Variants in GRIN2A observed in about 807,000 individuals in gnomAD.
The protein encoded by GRIN2A is glutamate receptor ionotropic, NMDA 2A.
Under a neutral mutation model 113.4 loss-of-function variants are expected in GRIN2A, and 22 were observed. The ratio of observed to expected loss-of-function variants is 0.19; its 90% CI spans 0.14 to 0.28. The LOEUF is 0.28. Among genes scored for constraint, GRIN2A ranks in the 10% least tolerant of loss-of-function variants. The probability of loss-of-function intolerance (pLI) is 1.00; values close to 1 mark genes in which losing one functional copy is unlikely to be tolerated. For missense variants in GRIN2A, 1,502 were observed against 1,887.0 expected (o/e 0.80, Z 3.78); for synonymous variants, 827 against 738.4 (o/e 1.12, Z -1.94).
intron 2 of GRIN2A, among the ~76,000 whole-genome samples, chr16:10,052,954 A>T (rs1232098067): frequency 6.6e-6 from 1 of 151,876 alleles, no homozygotes; most frequent in Non-Finnish European, 1.5e-5. Flanking sequence ...AGGCTGAGGC[A>T]GGAGAATGGC....
At chr16:9,793,518 A>C (rs1208355334) in intron 11 of GRIN2A, among the ~76,000 whole-genome samples, 1 of 152,084 alleles carries the variant, frequency 6.6e-6, no homozygotes, top group Non-Finnish European at 1.5e-5. Context: ...GTTCTCACTC[A>C]AGTGTTACCT....
At chr16:9,907,024 G>A (rs1243763708) in intron 3 of GRIN2A, among the ~76,000 whole-genome samples, 2 of 152,198 alleles carry the variant, frequency 1.3e-5, no homozygotes, top group Non-Finnish European at 1.5e-5. Flanking sequence ...CATTGCTCAG[G>A]CTGGTCATGA....
At chr16:9,807,459 G>T (rs1455845475) in intron 10 of GRIN2A, among the ~76,000 whole-genome samples, 1 of 151,644 alleles carries the variant, frequency 6.6e-6, no homozygotes, top group Non-Finnish European at 1.5e-5. Context: ...GAGAGAGAAA[G>T]AGAAAGAATA....
intron 4 of GRIN2A, among the ~76,000 whole-genome samples, chr16:9,888,158 C>T (rs541883602): frequency 5.3e-5 from 8 of 152,256 alleles, no homozygotes; most frequent in African/African-American, 1.9e-4. Flanking sequence ...TCAGGCTGGT[C>T]TCGAACTCCT....
intron 3 of GRIN2A, among the ~76,000 whole-genome samples, chr16:9,920,026 C>T (rs925319329): frequency 2.6e-5 from 4 of 152,232 alleles, no homozygotes; most frequent in Non-Finnish European, 5.9e-5. Context: ...TTTCTCTTCC[C>T]ATCCCATATC....
intron 2 of GRIN2A, among the ~76,000 whole-genome samples, chr16:9,958,144 T>C (rs1048138545): frequency 6.6e-6 from 1 of 152,216 alleles, no homozygotes; most frequent in African/African-American, 2.4e-5. Flanking sequence ...AACTTCTGCA[T>C]AAGCGACTGT....
chr16:10,070,037 G>T (rs988717679), intron 2 of GRIN2A, among the ~76,000 whole-genome samples: 2 of 152,140 alleles, frequency 1.3e-5, no homozygotes, highest in East Asian at 3.9e-4. Flanking sequence ...CAATGACAAT[G>T]TTCCCCACTC....
intron 7 of GRIN2A, 42 bp from the exon 8 acceptor site, chr16:9,834,272 T>A: frequency 1.9e-6 from 3 of 1,609,778 alleles, no homozygotes; most frequent in Non-Finnish European, 2.6e-6. Context: ...TGGTTAGTTA[T>A]CTCTTCCTCA....
At chr16:9,897,327 T>C (rs1219671252) in intron 3 of GRIN2A, among the ~76,000 whole-genome samples, 2 of 152,096 alleles carry the variant, frequency 1.3e-5, no homozygotes, top group Non-Finnish European at 2.9e-5. Flanking sequence ...CCTCTTCCCC[T>C]TGTGTTTTGT....
chr16:10,064,403 C>G (rs540397091), intron 2 of GRIN2A, among the ~76,000 whole-genome samples: 1 of 152,144 alleles, frequency 6.6e-6, no homozygotes, highest in Non-Finnish European at 1.5e-5. Context: ...GCCTGATTCC[C>G]AAAGCCCTGC....
chr16:9,968,854 G>T (rs532229452), intron 2 of GRIN2A, among the ~76,000 whole-genome samples: 2 of 152,020 alleles, frequency 1.3e-5, no homozygotes, highest in Admixed American at 6.6e-5. Context: ...TGATCCGCCC[G>T]CCTCAGCCTT....
At chr16:10,156,981 TG>T (rs1167349054) in intron 2 of GRIN2A, among the ~76,000 whole-genome samples, 1 of 152,146 alleles carries the variant, frequency 6.6e-6, no homozygotes, top group African/African-American at 2.4e-5. Context: ...CTGGTGGTGA[TG>T]GGGGGCAGAC....
intron 8 of GRIN2A, among the ~76,000 whole-genome samples, chr16:9,830,186 C>G (rs144063760): frequency 6.6e-5 from 10 of 152,254 alleles, no homozygotes; most frequent in African/African-American, 2.2e-4. Context: ...AAACTAAAAC[C>G]CTCTCCAAAT....
At chr16:9,953,172 A>C (rs2045223155) in intron 2 of GRIN2A, among the ~76,000 whole-genome samples, 1 of 152,184 alleles carries the variant, frequency 6.6e-6, no homozygotes, top group Non-Finnish European at 1.5e-5. Flanking sequence ...AGATACACAA[A>C]AGAGAGGTTC....
chr16:9,757,471 G>A lies in GRIN2A; in HGVS notation c.*5678C>T. The A allele has an allele frequency of 4.4e-6, 1 of 227,432 alleles. No individual in the cohort carries two copies. The highest frequency in any genetic ancestry group is 5.7e-5 in the Admixed American group (1 of 17,398). The allele number at this position is 227,432 out of a possible 1,614,324, so 14.1% of individuals were successfully genotyped here. On this transcript the variant is annotated 3_prime_UTR_variant, in exon 13 of 13. Transcript: ENST00000330684. The stretch of plus-strand genomic sequence containing the variant: ...TTGCTGTTTAGTCTCTGTTTGCATT[G>A]CATGGGTCCTTGGTTATCCTTTGTA...
chr16:9,975,433 A>G (rs3104705), intron 2 of GRIN2A, among the ~76,000 whole-genome samples: 132,983 of 152,218 alleles, frequency 0.87, 58,642 homozygotes, highest in African/African-American at 0.96. Flanking sequence ...AAGTGTCAGA[A>G]GATCTTCATT....
intron 3 of GRIN2A, among the ~76,000 whole-genome samples, chr16:9,933,278 C>A (rs1429114738): frequency 6.6e-6 from 1 of 151,976 alleles, no homozygotes; most frequent in Non-Finnish European, 1.5e-5. Flanking sequence ...ATGAACATAC[C>A]TTCCCTTGCA....
At chr16:9,959,577 G>A (rs568247440) in intron 2 of GRIN2A, among the ~76,000 whole-genome samples, 43 of 152,316 alleles carry the variant, frequency 2.8e-4, no homozygotes, top group Admixed American at 9.1e-4. Flanking sequence ...TCCAGGAGTC[G>A]CCGTTCTGAC....
intron 2 of GRIN2A, among the ~76,000 whole-genome samples, chr16:10,051,405 C>T (rs1340761992): frequency 6.6e-6 from 1 of 152,216 alleles, no homozygotes; most frequent in Non-Finnish European, 1.5e-5. Context: ...GGAAGAAAAA[C>T]TCCATGGGTG....
Sources: allele counts gnomAD v4.1 joint callset (sites outside exome capture counted in the v4.1 genomes callset), GRCh38; gene constraint gnomAD v4.1.1; transcripts MANE v1.5; gene names NCBI Gene and HGNC (gene_info 2026-07-23, HGNC 2026-07-21).